KANSL1L: variants seen among roughly 807,000 people sequenced by gnomAD.
The protein encoded by KANSL1L is KAT8 regulatory NSL complex subunit 1-like protein.
Under a neutral mutation model 108.6 loss-of-function variants are expected in KANSL1L, and 25 were observed. That is an observed-to-expected ratio of 0.23 (90% CI 0.17 to 0.32). The LOEUF (loss-of-function observed/expected upper bound fraction) is 0.32. Among genes scored for constraint, KANSL1L ranks in the 10% least tolerant of loss-of-function variants. The pLI is 1.00. For synonymous variants in KANSL1L, 405 were observed against 395.1 expected (o/e 1.03, Z -0.30); for missense variants, 1,137 against 1,125.7 (o/e 1.01, Z -0.14).
intron 3 of KANSL1L, among the ~76,000 whole-genome samples, chr2:210,114,999 AAACAT>A (rs1308413333): frequency 6.6e-6 from 1 of 152,106 alleles, no homozygotes. Context: ...ATAATCAACT[AAACAT>A]AACAGAAGAC....
intron 2 of KANSL1L, among the ~76,000 whole-genome samples, chr2:210,137,208 A>G (rs1450165411): frequency 1.3e-5 from 2 of 152,238 alleles, no homozygotes; most frequent in Non-Finnish European, 2.9e-5. Context: ...CACAAGCAAA[A>G]TATCTTTAAA....
intron 5 of KANSL1L, among the ~76,000 whole-genome samples, chr2:210,079,275 C>T (rs2094563921): frequency 6.6e-6 from 1 of 152,052 alleles, no homozygotes; most frequent in South Asian, 2.1e-4. Context: ...AGGCCACCAT[C>T]AAATATTGTT....
At chr2:210,145,294 A>G (rs1395276457) in intron 2 of KANSL1L, among the ~76,000 whole-genome samples, 1 of 152,142 alleles carries the variant, frequency 6.6e-6, no homozygotes, top group Non-Finnish European at 1.5e-5. Context: ...GGTATCTCAT[A>G]TGAGGCATCC....
At chr2:210,150,887 T>A (rs1360798359) in intron 2 of KANSL1L, among the ~76,000 whole-genome samples, 9 of 151,846 alleles carry the variant, frequency 5.9e-5, no homozygotes, top group Admixed American at 5.9e-4. Context: ...GACTAACAGA[T>A]ATATTAGCCA....
intron 5 of KANSL1L, among the ~76,000 whole-genome samples, chr2:210,094,282 A>G (rs1465984332): frequency 6.6e-6 from 1 of 152,300 alleles, no homozygotes; most frequent in East Asian, 1.9e-4. Flanking sequence ...TTATAAATAC[A>G]TAAATAGTAT....
At chr2:210,152,354 A>G (rs1329624884) in intron 2 of KANSL1L, 2 of 152,212 alleles carry the variant, frequency 1.3e-5, no homozygotes, top group Non-Finnish European at 2.9e-5. Flanking sequence ...CCTTAGTATC[A>G]CTGGCCAAAT....
At chr2:210,081,546 T>C (rs893467992) in intron 5 of KANSL1L, among the ~76,000 whole-genome samples, 1 of 152,228 alleles carries the variant, frequency 6.6e-6, no homozygotes, top group Non-Finnish European at 1.5e-5. Context: ...TTTATTTGCA[T>C]GATTATCTGA....
rs1035916128 is a variant in KANSL1L at position 210,025,234 on chromosome 2, G to T, written c.2452-18C>A. On this transcript the variant is annotated intron_variant, in intron 12 of 14. Coordinates refer to ENST00000281772, the MANE Select transcript of KANSL1L (RefSeq NM_152519.4). Reference sequence around the variant, plus strand: ...TCTTCTATCTGGAATTAGAAATAAAGATTTTTGTTTTAATCAGAAACATTT... The same window carrying T: ...TCTTCTATCTGGAATTAGAAATAAATATTTTTGTTTTAATCAGAAACATTT... 2 of 1,426,954 alleles carry T rather than the reference G, an allele frequency of 1.4e-6. No homozygotes were observed. Among genetic ancestry groups the T allele is most frequent in the Admixed American group, 1.7e-5 (1 of 59,650 alleles). 88.4% of individuals were successfully genotyped at this position (1,426,954 alleles called of 1,614,324 possible).
intron 2 of KANSL1L, chr2:210,151,655 T>C (rs938347277): frequency 2.0e-5 from 3 of 152,162 alleles, no homozygotes; most frequent in African/African-American, 4.8e-5. Flanking sequence ...CCATGCTGAG[T>C]CTGTTTCTTC....
Position 210,024,051 on chromosome 2 carries a change from A to T in KANSL1L, c.2715T>A (p.Asn905Lys). The T allele has an allele frequency of 6.3e-7, 1 of 1,576,444 alleles. No homozygotes were observed. Among genetic ancestry groups the T allele is most frequent in the Non-Finnish European group, 8.6e-7 (1 of 1,162,820 alleles). ...DLCAYGLPSLNQSQETKSLWW... is the reference protein window; with the variant it reads ...DLCAYGLPSLKQSQETKSLWW... The stretch of plus-strand genomic sequence containing the variant: ...CACTTACCTTGGTTTCTTGACTTTG[A>T]TTTAAAGAAGGTAAGCCATATGCAC... The change falls in exon 14 of 15, where the codon AAT becomes AAA. Residue 905 changes from asparagine to lysine, a missense_variant. By Grantham distance (94) the Asn-to-Lys change is moderately conservative. Around this residue, in one of 3 missense-constraint regions of KANSL1L, gnomAD observed 575 missense variants for 567.1 expected, o/e 1.01. Transcript: ENST00000281772.
At chr2:210,098,002 T>C (rs2094754507) in intron 5 of KANSL1L, 84 bp downstream of exon 5, 2 of 1,207,482 alleles carry the variant, frequency 1.7e-6, no homozygotes, top group South Asian at 3.2e-5. Flanking sequence ...GTAGCTATAA[T>C]ACTTAAAATA....
Position 210,104,155 on chromosome 2 carries a change from A to G in KANSL1L, c.1377T>C (p.Phe459=). 6.2e-7 allele frequency: 1 copy of G among 1,614,030 alleles called. No individual in the cohort carries two copies. The highest frequency in any genetic ancestry group is 8.5e-7 in the Non-Finnish European group (1 of 1,179,920). Residue 459 remains phenylalanine, a synonymous_variant, in exon 4 of 15, where the codon TTT becomes TTC. Transcript: ENST00000281772. The part of the protein sequence containing the change: ...ECQDPVPEQD[F]EMSPSSPTLL... ...AAGTAGGGCTGCTTGGTGACATTTCAAAATCTTGTTCCGGTACAGGATCTT... is the reference window on the plus strand; with the variant it reads ...AAGTAGGGCTGCTTGGTGACATTTCGAAATCTTGTTCCGGTACAGGATCTT...
chr2:210,146,433 C>A (rs942845094), intron 2 of KANSL1L, among the ~76,000 whole-genome samples: 1 of 152,198 alleles, frequency 6.6e-6, no homozygotes, highest in Non-Finnish European at 1.5e-5. Flanking sequence ...CAAAGGTGAT[C>A]GTTTCCGATG....
At position 210,025,143 on chromosome 2, in the gene KANSL1L, G is replaced by T; in HGVS notation, c.2525C>A (p.Ser842Ter). The part of the protein sequence containing the change: ...KYEEREQARW[S>*]LWEQSKWHRR... Reference sequence around the variant, plus strand: ...GTGCCACTTGCTTTGCTCCCATAGTGACCACCTGGCTTGCTCTCTCTCTTC... The same window carrying T: ...GTGCCACTTGCTTTGCTCCCATAGTTACCACCTGGCTTGCTCTCTCTCTTC... The change falls in exon 13 of 15, where the codon TCA (serine) becomes TAA (stop). Residue 842 changes from serine (S) to a stop codon, truncating the protein, a stop_gained. Transcript: ENST00000281772. LOFTEE classifies it high-confidence loss of function. 6.2e-7 allele frequency: 1 copy of T among 1,613,356 alleles called. No individual in the cohort carries two copies. The highest frequency in any genetic ancestry group is 1.1e-5 in the South Asian group (1 of 91,046).
chr2:210,080,733 C>T (rs1490257469), intron 5 of KANSL1L, among the ~76,000 whole-genome samples: 2 of 152,060 alleles, frequency 1.3e-5, no homozygotes, highest in Admixed American at 6.5e-5. Context: ...CTTTTGTAAA[C>T]CAGTAAGAAT....
rs2095095798 is a variant in KANSL1L at position 210,129,072 on chromosome 2, G to T, written c.1189C>A (p.Gln397Lys). ...AQISDLECKI[Q>K]QLTDIHRQIR... ...TGCCTGTGAATGTCTGTTAGTTGTTGGATTTTGCATTCTAGGTCTGAAATC... is the reference window on the plus strand; with the variant it reads ...TGCCTGTGAATGTCTGTTAGTTGTTTGATTTTGCATTCTAGGTCTGAAATC... Residue 397 changes from glutamine (Q) to lysine (K), a missense_variant, in exon 3 of 15, where the codon CAA becomes AAA. Transcript: ENST00000281772. 2 of 1,613,704 alleles carry T rather than the reference G, an allele frequency of 1.2e-6. No homozygotes were observed. The highest frequency in any genetic ancestry group is 3.3e-5 in the Admixed American group (2 of 59,966).
chr2:210,031,442 G>A lies in KANSL1L; in HGVS notation c.2134C>T (p.His712Tyr), dbSNP rs1327360698. 6 of 1,600,042 alleles carry A rather than the reference G, an allele frequency of 3.7e-6. No individual in the cohort carries two copies. Among genetic ancestry groups the A allele is most frequent in the African/African-American group, 1.3e-5 (1 of 74,530 alleles). The change falls in exon 9 of 15, where the codon CAT becomes TAT. Residue 712 changes from histidine to tyrosine, a missense_variant. By Grantham distance (83) the His-to-Tyr change is moderately conservative. Around this residue, in one of 3 missense-constraint regions of KANSL1L, gnomAD observed 575 missense variants for 567.1 expected, o/e 1.01. Transcript: ENST00000281772. Reference sequence around the variant, plus strand: ...CTACCTAATGCTGTTTCACTCAAATGTCTTTTCTTTCTTCCCTGTAACAGT... The same window carrying A: ...CTACCTAATGCTGTTTCACTCAAATATCTTTTCTTTCTTCCCTGTAACAGT... ...AQLLQGRKKRHLSETALGERT... is the reference protein window; with the variant it reads ...AQLLQGRKKRYLSETALGERT...
chr2:210,131,394 G>A (rs551856708), intron 2 of KANSL1L, among the ~76,000 whole-genome samples: 3 of 152,080 alleles, frequency 2.0e-5, no homozygotes, highest in Non-Finnish European at 4.4e-5. Flanking sequence ...GTGAGCTTAG[G>A]GCAATCAAAG....
chr2:210,023,940 G>T (rs2093897741), intron 14 of KANSL1L, 93 bp downstream of exon 14: 2 of 781,554 alleles, frequency 2.6e-6, no homozygotes, highest in African/African-American at 1.8e-5. Flanking sequence ...GTTATGTAAT[G>T]ATGTAATAAA....
Sources: gnomAD v4.1 joint callset for allele counts (sites outside exome capture counted in the v4.1 genomes callset) on GRCh38, gnomAD v4.1.1 for gene constraint, gnomAD v4.1.1 regional missense constraint, MANE v1.5 for transcripts, NCBI Gene and HGNC (gene_info 2026-07-23, HGNC 2026-07-21) for gene names.